REPS2: variants seen among roughly 807,000 people sequenced by gnomAD.
REPS2 encodes RALBP1 associated Eps domain containing 2.
A neutral mutation model predicts 53.6 loss-of-function variants in REPS2; 23 were observed. The ratio of observed to expected loss-of-function variants is 0.43; its 90% confidence interval spans 0.31 to 0.61. The LOEUF (loss-of-function observed/expected upper bound fraction) is 0.61. REPS2 is among the 20% of genes least tolerant of loss of function. The probability of loss-of-function intolerance (pLI) is 0.11; values close to 1 mark genes in which losing one functional copy is unlikely to be tolerated. For synonymous variants in REPS2, 238 were observed against 218.6 expected, an observed-to-expected ratio of 1.09 and a Z score of -0.78; for missense variants, 446 against 534.9, an observed-to-expected ratio of 0.83 and a Z score of 1.64.
intron 13 of REPS2, among the ~76,000 whole-genome samples, chrX:17,093,203 T>TATATATATATAA (rs1357492191): frequency 1.8e-4 from 1 of 5,624 alleles, no homozygotes; most frequent in African/African-American, 6.9e-4. Flanking sequence ...TATATATAAT[T>TATATATATATAA]TTTTTTTTGG....
At chrX:16,991,468 T>C (rs777013424) in intron 1 of REPS2, among the ~76,000 whole-genome samples, 84 of 111,854 alleles carry the variant, frequency 7.5e-4, no homozygotes, top group African/African-American at 2.6e-3. Context: ...TTAACAAATA[T>C]TTAGTGAATA....
At position 17,131,929 on chromosome X, in the gene REPS2, G is replaced by A. The variant is rs1298269663; in HGVS notation, c.1579-1895G>A. ...TTTTTTTTTTTTTTTTTCCCAAACTGTGTCCAGGTTTATTAAAGATACTTT... is the reference window on the plus strand; with the variant it reads ...TTTTTTTTTTTTTTTTTCCCAAACTATGTCCAGGTTTATTAAAGATACTTT... On this transcript the variant is annotated intron_variant, in intron 14 of 17. Coordinates refer to ENST00000357277, the MANE Select transcript of REPS2 (RefSeq NM_004726.3). 1.0e-4 allele frequency among the ~76,000 whole-genome samples: 10 copies of A among 99,395 alleles called. No individual in the cohort carries two copies. The Admixed American group carries it at 1.0e-3, about 10-fold the overall frequency. 86.3% of individuals were successfully genotyped at this position (99,395 alleles called of 115,157 possible).
At chrX:16,958,595 A>T (rs755909372) in intron 1 of REPS2, among the ~76,000 whole-genome samples, 3 of 112,189 alleles carry the variant, frequency 2.7e-5, no homozygotes, top group Admixed American at 9.5e-5. Flanking sequence ...CTCTACAGGA[A>T]CAATAGTCAT....
intron 9 of REPS2, among the ~76,000 whole-genome samples, chrX:17,066,122 A>G (rs1465946291): frequency 2.7e-5 from 3 of 112,143 alleles, no homozygotes; most frequent in African/African-American, 6.5e-5. Context: ...GTTCTATTCT[A>G]TTGATCTATA....
At chrX:17,006,371 A>G (rs2061363401) in intron 2 of REPS2, 27 bp downstream of exon 2, 4 of 1,188,947 alleles carry the variant, frequency 3.4e-6, no homozygotes, top group African/African-American at 1.7e-5. Flanking sequence ...TGTATGTTTT[A>G]TTGTCCATGG....
chrX:16,971,802 G>C (rs1235081580), intron 1 of REPS2, among the ~76,000 whole-genome samples: 2 of 111,990 alleles, frequency 1.8e-5, no homozygotes, highest in African/African-American at 6.5e-5. Context: ...AATTGTTTTG[G>C]AACCCTTGTG....
chrX:16,970,807 G>A (rs2060881258), intron 1 of REPS2, among the ~76,000 whole-genome samples: 1 of 112,257 alleles, frequency 8.9e-6, no homozygotes, highest in African/African-American at 3.2e-5. Context: ...TTCTCTTAGC[G>A]TGTTTTAAAT....
In REPS2 at chrX:16,946,885, GGCGGCGGCAGCGGCAGCGGCA is replaced by G. The variant is rs2060438066; in HGVS notation, c.32_52del (p.Ala11_Ala17del). On this transcript the variant is annotated inframe_deletion, in exon 1 of 18. Transcript: ENST00000357277. ...CCATGGAGGCGGCAGCGGCGGCGGC[GGCGGCGGCAGCGGCAGCGGCA>G]GCGGCGGGCGGGGGCTGTGGCTCCG... is the stretch of plus-strand genomic sequence containing the variant. The G allele has an allele frequency of 6.5e-6, 5 of 768,889 alleles. No homozygotes were observed. Among genetic ancestry groups the G allele is most frequent in the South Asian group, 6.5e-5 (1 of 15,285 alleles). 63.4% of individuals were successfully genotyped at this position (768,889 alleles called of 1,213,427 possible). A position where few individuals can be genotyped will look rare whatever the true frequency, so the allele number is the denominator to read the frequency against.
At chrX:16,980,313 A>T in intron 1 of REPS2, among the ~76,000 whole-genome samples, 1 of 88,029 alleles carries the variant, frequency 1.1e-5, no homozygotes, top group Non-Finnish European at 2.3e-5. Flanking sequence ...TTTATTTTTA[A>T]ATTTTTTTTA....
At chrX:17,109,874 A>G (rs2062935846) in intron 14 of REPS2, among the ~76,000 whole-genome samples, 1 of 112,845 alleles carries the variant, frequency 8.9e-6, no homozygotes, top group South Asian at 3.6e-4. Context: ...TTTATAAAAT[A>G]CTACATTTGT....
chrX:17,192,355 G>T, the REPS2 span, among the ~76,000 whole-genome samples: 1 of 112,295 alleles, frequency 8.9e-6, no homozygotes, highest in Non-Finnish European at 1.9e-5. Context: ...GTCTCTGGAG[G>T]CATGTTAGCA....
At chrX:16,992,455 G>C (rs187660627) in intron 1 of REPS2, among the ~76,000 whole-genome samples, 1 of 112,128 alleles carries the variant, frequency 8.9e-6, no homozygotes, top group African/African-American at 3.2e-5. Flanking sequence ...ACATTCAGAG[G>C]CTTCTTAATC....
At chrX:17,056,144 A>T (rs932812514) in intron 8 of REPS2, among the ~76,000 whole-genome samples, 1 of 112,098 alleles carries the variant, frequency 8.9e-6, no homozygotes, top group East Asian at 2.8e-4. Context: ...AATGTGAGGA[A>T]TAGGGCTGAT....
chrX:17,165,083 C>T, the REPS2 span, among the ~76,000 whole-genome samples: 1 of 110,572 alleles, frequency 9.0e-6, no homozygotes, highest in Non-Finnish European at 1.9e-5. Context: ...ACTCACACAC[C>T]ACTTGAACTG....
intron 9 of REPS2, 52 bp from the exon 10 acceptor site, chrX:17,068,350 C>G (rs1261940785): frequency 1.9e-6 from 2 of 1,041,146 alleles, no homozygotes; most frequent in Non-Finnish European, 2.6e-6. Context: ...ATGTGCGCAT[C>G]ACTTAATTTC....
At chrX:17,127,823 C>T (rs956974259) in intron 14 of REPS2, among the ~76,000 whole-genome samples, 7 of 112,003 alleles carry the variant, frequency 6.2e-5, no homozygotes, top group Non-Finnish European at 1.3e-4. Context: ...TTCGGGGTTA[C>T]ATCCTCTCAT....
chrX:17,067,085 ATTTATC>A (rs1463037833), intron 9 of REPS2, among the ~76,000 whole-genome samples: 1 of 111,992 alleles, frequency 8.9e-6, no homozygotes, highest in Non-Finnish European at 1.9e-5. Context: ...AAATGTTACA[ATTTATC>A]TTTATTTAAT....
chrX:17,096,673 AAAAAAAAAAG>A (rs1401972599), intron 13 of REPS2, among the ~76,000 whole-genome samples: 4 of 100,905 alleles, frequency 4.0e-5, no homozygotes, highest in Admixed American at 1.1e-4. Context: ...AAAAAAAAAA[AAAAAAAAAAG>A]AAAAGAAAAG....
intron 9 of REPS2, among the ~76,000 whole-genome samples, chrX:17,063,971 TTC>T (rs2062193336): frequency 1.8e-5 from 2 of 110,138 alleles, no homozygotes; most frequent in Non-Finnish European, 3.8e-5. Flanking sequence ...CGCTTGCTCT[TTC>T]TCTCTCTCTA....
Sources: gnomAD v4.1 joint callset for allele counts (sites outside exome capture counted in the v4.1 genomes callset) on GRCh38, gnomAD v4.1.1 for gene constraint, MANE v1.5 for transcripts, NCBI Gene and HGNC (gene_info 2026-07-23, HGNC 2026-07-21) for gene names.